The following SPG11 variants were observed in gnomAD, a reference collection of about 807,000 sequenced individuals.
The protein encoded by SPG11 is spatacsin.
A neutral mutation model predicts 274.0 loss-of-function variants in SPG11; 222 were observed. The observed-to-expected ratio is 0.81, with a 90% CI of 0.73 to 0.91. The LOEUF (loss-of-function observed/expected upper bound fraction) is 0.91. Ranked by LOEUF, SPG11 falls within the 40% of genes least tolerant of loss-of-function variation. The pLI is 0.00. For synonymous variants in SPG11, 1,144 were observed against 1,039.7 expected (o/e 1.10, Z -1.93); for missense variants, 3,114 against 2,872.7 (o/e 1.08, Z -1.92).
Position 44,589,312 on chromosome 15 carries a change from G to A in SPG11, c.4846C>T (p.Gln1616Ter), listed in dbSNP as rs312262762. 6.2e-7 allele frequency: 1 copy of A among 1,614,120 alleles called. No individual in the cohort carries two copies. The highest frequency in any genetic ancestry group is 1.1e-5 in the South Asian group (1 of 91,076). Reference sequence around the variant, plus strand: ...TGTAAAAGCTTCCCCAGCTCATACTGGGTCTTACACTGCTGTAGCATAAGC... The same window carrying A: ...TGTAAAAGCTTCCCCAGCTCATACTAGGTCTTACACTGCTGTAGCATAAGC... Reference protein sequence around the residue: ...LKLMLQQCKTQYELGKLLQLF... With the variant: ...LKLMLQQCKT The change falls in exon 28 of 40, where the codon CAG (glutamine) becomes TAG (stop). Residue 1616 changes from glutamine to a stop codon, truncating the protein, a stop_gained. Coordinates refer to ENST00000261866, the MANE Select transcript of SPG11 (RefSeq NM_025137.4). LOFTEE classifies it high-confidence loss of function.
intron 8 of SPG11, among the ~76,000 whole-genome samples, chr15:44,631,095 T>G (rs2084048184): frequency 6.6e-6 from 1 of 152,200 alleles, no homozygotes; most frequent in African/African-American, 2.4e-5. Flanking sequence ...GTGCATACTC[T>G]TAAACCTGGA....
chr15:44,630,577 G>GTGTTTT (rs566824586), intron 8 of SPG11, among the ~76,000 whole-genome samples: 1 of 152,128 alleles, frequency 6.6e-6, no homozygotes. Context: ...AATAGAATGT[G>GTGTTTT]TGTTTTTGTT....
chr15:44,592,576 T>G, intron 26 of SPG11, 138 bp from the exon 27 acceptor site: 2 of 676,046 alleles, frequency 3.0e-6, no homozygotes. Context: ...GCCAGCACTT[T>G]GGGAAGCCGA....
intron 26 of SPG11, 107 bp downstream of exon 26, chr15:44,595,152 G>A (rs2083002317): frequency 9.2e-7 from 1 of 1,091,586 alleles, no homozygotes; most frequent in East Asian, 2.5e-5. Context: ...ATCATTATCT[G>A]TTGTTGGCTA....
chr15:44,637,255 T>C (rs1240383276), intron 7 of SPG11, among the ~76,000 whole-genome samples: 1 of 152,156 alleles, frequency 6.6e-6, no homozygotes, highest in African/African-American at 2.4e-5. Flanking sequence ...GAGCAAAGTG[T>C]CAACAGTCTA....
chr15:44,618,434 G>A (rs2083648464), intron 15 of SPG11, among the ~76,000 whole-genome samples: 1 of 147,036 alleles, frequency 6.8e-6, no homozygotes, highest in Non-Finnish European at 1.5e-5. Context: ...AGGAGAATGA[G>A]GAGACCTGGG....
At chr15:44,565,790 C>A in intron 38 of SPG11, 64 bp downstream of exon 38, 1 of 1,600,648 alleles carries the variant, frequency 6.2e-7, no homozygotes, top group Non-Finnish European at 8.5e-7. Flanking sequence ...CTCTGGGTTC[C>A]ATGAGTGGGA....
chr15:44,589,543 C>A, intron 27 of SPG11, 129 bp from the exon 28 acceptor site: 1 of 1,090,464 alleles, frequency 9.2e-7, no homozygotes, highest in Non-Finnish European at 1.4e-6. Flanking sequence ...GAGGCACTTA[C>A]TCAGTTCCTT....
intron 24 of SPG11, 58 bp from the exon 25 acceptor site, chr15:44,596,413 GAA>G: frequency 1.3e-6 from 2 of 1,588,614 alleles, no homozygotes; most frequent in Non-Finnish European, 1.7e-6. Context: ...AGCTGGAGCT[GAA>G]AATGTTAGAG....
In SPG11 at chr15:44,657,509, C is replaced by T. The variant is rs115792933; in HGVS notation, c.668-213G>A. On this transcript the variant is annotated intron_variant, in intron 3 of 39. Coordinates refer to ENST00000261866, the MANE Select transcript of SPG11 (RefSeq NM_025137.4). Reference sequence around the variant, plus strand: ...CCTGATACCAAGTTCTTCAACAATACCTGCTGAACATCTGCTCTGGGCCAG... The same window carrying T: ...CCTGATACCAAGTTCTTCAACAATATCTGCTGAACATCTGCTCTGGGCCAG... Among the ~76,000 whole-genome samples, 1,038 of 152,246 alleles carry T rather than the reference C, an allele frequency of 6.8e-3. 14 individuals are homozygous for T. The highest frequency in any genetic ancestry group is 0.024 in the African/African-American group (993 of 41,536).
Position 44,615,492 on chromosome 15 carries a change from A to C in SPG11, c.2909T>G (p.Val970Gly), listed in dbSNP as rs1380669939. The change falls in exon 16 of 40, where the codon GTA becomes GGA. Residue 970 changes from valine to glycine, a missense_variant. By Grantham distance (109) the Val-to-Gly change is moderately radical (BLOSUM62 -3). Coordinates refer to ENST00000261866, the MANE Select transcript of SPG11 (RefSeq NM_025137.4). ...FLLRLSRIGG[V>G]IQDTLPVQNY... ...TTGAACAGGGAGGGTATCCTGTATT[A>C]CACCTCCAATACGGCTCAGTCTTAG... 6 of 1,614,046 alleles carry C rather than the reference A, an allele frequency of 3.7e-6. No homozygotes were observed. Among genetic ancestry groups the C allele is most frequent in the Non-Finnish European group, 5.1e-6 (6 of 1,179,948 alleles).
At chr15:44,593,157 A>G (rs1323165527) in intron 26 of SPG11, among the ~76,000 whole-genome samples, 4 of 152,182 alleles carry the variant, frequency 2.6e-5, no homozygotes, top group African/African-American at 9.7e-5. Context: ...ACAGGCAGGA[A>G]GCATTCCACT....
At chr15:44,563,450 T>C (rs2082238884) in intron 39 of SPG11, 149 bp from the exon 40 acceptor site, 3 of 683,428 alleles carry the variant, frequency 4.4e-6, no homozygotes, top group South Asian at 3.4e-5. Flanking sequence ...GTGATTCTTG[T>C]GCCTCAGCCT....
chr15:44,587,708 A>G (rs1053201032), intron 28 of SPG11, among the ~76,000 whole-genome samples: 1 of 150,842 alleles, frequency 6.6e-6, no homozygotes, highest in Non-Finnish European at 1.5e-5. Context: ...AAAAAAAAAA[A>G]AAAAAAAAAA....
In SPG11 at chr15:44,569,427, C is replaced by A; in HGVS notation, c.6556G>T (p.Glu2186Ter). 1 of 1,606,344 alleles carries A rather than the reference C, an allele frequency of 6.2e-7. No homozygotes were observed. Among genetic ancestry groups the A allele is most frequent in the Non-Finnish European group, 8.5e-7 (1 of 1,175,760 alleles). ...FDLLHKKHYF[E>*]VLMRKKLDPS... Reference sequence around the variant, plus strand: ...TCCAACTTCTTCCTCATTAGCACTTCAAAGTAGTGCTTTTTATGCAGCAAA... The same window carrying A: ...TCCAACTTCTTCCTCATTAGCACTTAAAAGTAGTGCTTTTTATGCAGCAAA... Residue 2186 changes from glutamate to a stop codon, truncating the protein, a stop_gained, in exon 35 of 40, where the codon GAA (glutamate) becomes TAA (stop). Coordinates refer to ENST00000261866, the MANE Select transcript of SPG11 (RefSeq NM_025137.4). LOFTEE classifies it high-confidence loss of function.
Position 44,564,707 on chromosome 15 carries a change from G to A in SPG11, c.7000-9C>T. 14 of 1,614,120 alleles carry A rather than the reference G, an allele frequency of 8.7e-6. No individual in the cohort carries two copies. Among genetic ancestry groups the A allele is most frequent in the East Asian group, 2.2e-5 (1 of 44,878 alleles). On this transcript the variant is annotated splice_polypyrimidine_tract_variant and intron_variant, in intron 38 of 39. Transcript: ENST00000261866. ...TCAGCCACAATAGAAGCCTTAAAAG[G>A]AGAGGTGAAGAAGGACACCATCAGA... is the stretch of plus-strand genomic sequence containing the variant.
intron 8 of SPG11, among the ~76,000 whole-genome samples, chr15:44,632,437 G>C (rs922210371): frequency 2.6e-5 from 4 of 151,988 alleles, no homozygotes; most frequent in Non-Finnish European, 5.9e-5. Context: ...TAAAAGTTAG[G>C]CTTCCTATTT....
intron 25 of SPG11, 78 bp from the exon 26 acceptor site, chr15:44,595,537 T>C: frequency 6.9e-7 from 1 of 1,451,476 alleles, no homozygotes; most frequent in Non-Finnish European, 9.5e-7. Context: ...GGATATTTCC[T>C]GTTTAGAATA....
intron 34 of SPG11, among the ~76,000 whole-genome samples, chr15:44,569,843 A>G (rs1242360075): frequency 6.6e-6 from 1 of 151,814 alleles, no homozygotes; most frequent in African/African-American, 2.4e-5. Flanking sequence ...CAGCCTCCCA[A>G]GTAGCTGGGA....
Sources: allele counts gnomAD v4.1 joint callset (sites outside exome capture counted in the v4.1 genomes callset), GRCh38; gene constraint gnomAD v4.1.1; transcripts MANE v1.5; gene names NCBI Gene and HGNC (gene_info 2026-07-23, HGNC 2026-07-21).